Variants in SLC38A10 observed in about 807,000 individuals in gnomAD.
The protein encoded by SLC38A10 is Sodium-coupled neutral amino acid transporter 10.
Under a neutral mutation model 81.0 loss-of-function variants are expected in SLC38A10, and 53 were observed. That is an observed-to-expected ratio of 0.65 (90% CI 0.53 to 0.82). The LOEUF (loss-of-function observed/expected upper bound fraction) is 0.82, where lower values mean the gene tolerates loss of function less well. Among genes scored for constraint, SLC38A10 ranks in the 40% least tolerant of loss-of-function variants. The pLI is 0.00. For synonymous variants in SLC38A10, 665 were observed against 655.3 expected (o/e 1.01, Z -0.23); for missense variants, 1,471 against 1,545.0 (o/e 0.95, Z 0.80).
chr17:81,285,154 A>G, intron 2 of SLC38A10: 1 of 385,466 alleles, frequency 2.6e-6, no homozygotes, highest in Non-Finnish European at 4.7e-6. Flanking sequence ...ATTTTTTAAC[A>G]GACAAAGAGA....
chr17:81,291,486 CAAA>C (rs397856930), intron 1 of SLC38A10, among the ~76,000 whole-genome samples: 14 of 112,006 alleles, frequency 1.2e-4, no homozygotes, highest in Middle Eastern at 6.2e-3. Flanking sequence ...GACTCCATCT[CAAA>C]AAAAAAAAAA....
intron 14 of SLC38A10, 199 bp from the exon 15 acceptor site, chr17:81,247,260 G>T (rs754909821): frequency 2.8e-5 from 14 of 495,284 alleles, no homozygotes; most frequent in Non-Finnish European, 4.0e-5. Context: ...CTGAGGGCCC[G>T]GGAGAGGCTG....
At chr17:81,278,834 G>A (rs377215143) in intron 6 of SLC38A10, among the ~76,000 whole-genome samples, 6 of 152,244 alleles carry the variant, frequency 3.9e-5, no homozygotes, top group African/African-American at 7.2e-5. Context: ...AGGAAGCCAC[G>A]GACACTGTGG....
rs1337881431 is a variant in SLC38A10, at chr17:81,295,136, G to C, written c.-215C>G. 3 of 796,430 alleles carry C rather than the reference G, an allele frequency of 3.8e-6. No homozygotes were observed. The highest frequency in any genetic ancestry group is 5.1e-5 in the East Asian group (1 of 19,436). The allele number at this position is 796,430 out of a possible 1,614,324, so 49.3% of individuals were successfully genotyped here. On this transcript the variant is annotated 5_prime_UTR_variant, in exon 1 of 16. Coordinates refer to ENST00000374759, the MANE Select transcript of SLC38A10 (RefSeq NM_001037984.3). ...GCAGCCTCGAAGGCCGGCTGCGGGG[G>C]CGAGGTCAACCTCCGGACCCCGCCA...
intron 11 of SLC38A10, among the ~76,000 whole-genome samples, chr17:81,254,243 G>A (rs374431304): frequency 1.3e-5 from 2 of 152,224 alleles, no homozygotes; most frequent in African/African-American, 2.4e-5. Flanking sequence ...TCCCATAGGA[G>A]AAGAAAATGG....
In SLC38A10 at chr17:81,245,758, C is replaced by T. The variant is rs574687195; in HGVS notation, c.3158G>A (p.Arg1053Gln). ...CTCTGCATGAGGGCCAAGGTCCCGC[C>T]GTCGCCTCCGGAGGTCGGAGCCAGC... is the stretch of plus-strand genomic sequence containing the variant. ...LQAGSDLRRRRRDLGPHAEGQ... is the reference protein window; with the variant it reads ...LQAGSDLRRRQRDLGPHAEGQ... The change falls in exon 16 of 16, where the codon CGG (arginine) becomes CAG (glutamine). Residue 1053 changes from arginine (R) to glutamine (Q), a missense_variant. This residue lies in a region of SLC38A10 where 751 missense variants were observed against 717.4 expected (regional missense o/e 1.05). Transcript: ENST00000374759. The T allele has an allele frequency of 2.8e-5, 44 of 1,595,818 alleles. No homozygotes were observed. The highest frequency in any genetic ancestry group is 5.4e-5 in the African/African-American group (4 of 74,754).
chr17:81,270,270 CG>C lies in SLC38A10; in HGVS notation c.1131+647del, dbSNP rs1449718209. 1.3e-5 allele frequency among the ~76,000 whole-genome samples: 2 copies of C among 152,172 alleles called. No homozygotes were observed. The highest frequency in any genetic ancestry group is 2.9e-5 in the Non-Finnish European group (2 of 68,028). Reference sequence around the variant, plus strand: ...CCATTTCTAGAAGGCTTCCTACAGACGCGTGCTCAAATACGTCGACATGCTC... The same window carrying C: ...CCATTTCTAGAAGGCTTCCTACAGACCGTGCTCAAATACGTCGACATGCTC... On this transcript the variant is annotated intron_variant, in intron 10 of 15. Transcript: ENST00000374759. This position sits in a 1 kb window ranked among gnomAD's most constrained non-coding sequence, Gnocchi z 4.0.
At chr17:81,271,172 G>A (rs1187794882) in intron 9 of SLC38A10, 148 bp from the exon 10 acceptor site, 2 of 656,094 alleles carry the variant, frequency 3.0e-6, no homozygotes, top group Non-Finnish European at 5.2e-6. Flanking sequence ...CGCCCTCTGT[G>A]CCCAGAAAGC....
chr17:81,272,990 C>T (rs192840721), intron 8 of SLC38A10, among the ~76,000 whole-genome samples: 1 of 152,196 alleles, frequency 6.6e-6, no homozygotes, highest in Non-Finnish European at 1.5e-5. Flanking sequence ...ACAGGCTGCA[C>T]AGCGCCGCTC....
chr17:81,285,535 A>T (rs1299779759), intron 2 of SLC38A10: 1 of 152,216 alleles, frequency 6.6e-6, no homozygotes, highest in African/African-American at 2.4e-5. Flanking sequence ...AGGAGCCGCC[A>T]TTCTCTCCGC....
Position 81,265,370 on chromosome 17 carries a change from CGA to C in SLC38A10, c.1132-4978_1132-4977del, listed in dbSNP as rs990382784. 1 of 152,192 alleles carries C rather than the reference CGA, an allele frequency of 6.6e-6. No individual in the cohort carries two copies. The highest frequency in any genetic ancestry group is 1.5e-5 in the Non-Finnish European group (1 of 68,062). 9.4% of individuals were successfully genotyped at this position (152,192 alleles called of 1,614,324 possible). A position where few individuals can be genotyped will look rare whatever the true frequency, so the allele number is the denominator to read the frequency against. ...CTGCACCCCAGCCTGGGCGACAGAG[CGA>C]GACTCTGTCTCAAAAAATAAAAAAA... On this transcript the variant is annotated intron_variant, in intron 10 of 15. Coordinates refer to ENST00000374759, the MANE Select transcript of SLC38A10 (RefSeq NM_001037984.3). The surrounding 1 kb of genome is among the most constrained non-coding windows in gnomAD (Gnocchi z 4.2).
At chr17:81,249,922 G>A (rs73356102) in intron 14 of SLC38A10, 10,702 of 580,476 alleles carry the variant, frequency 0.018, 243 homozygotes, top group African/African-American at 0.083. Context: ...GGCTGTGGCT[G>A]AGCCTGGGTG....
chr17:81,268,819 A>G (rs1000482261), intron 10 of SLC38A10, among the ~76,000 whole-genome samples: 20 of 152,230 alleles, frequency 1.3e-4, no homozygotes, highest in African/African-American at 4.8e-4. Context: ...ATTAACTGTA[A>G]ATAGTCTTAA....
intron 11 of SLC38A10, among the ~76,000 whole-genome samples, chr17:81,255,184 C>T (rs67309354): frequency 0.047 from 7,202 of 152,318 alleles, 296 homozygotes; most frequent in African/African-American, 0.11. Flanking sequence ...CTGGATTGCA[C>T]GGGCACCTGC....
At chr17:81,257,982 C>T (rs1199253316) in intron 11 of SLC38A10, among the ~76,000 whole-genome samples, 2 of 152,230 alleles carry the variant, frequency 1.3e-5, no homozygotes, top group Admixed American at 1.3e-4. Context: ...AGAGCAGGTA[C>T]GAACGGCCCG....
chr17:81,248,123 A>C (rs2062871562), intron 14 of SLC38A10, among the ~76,000 whole-genome samples: 1 of 151,718 alleles, frequency 6.6e-6, no homozygotes, highest in African/African-American at 2.4e-5. Flanking sequence ...GCGCCCGGCT[A>C]ATGTTTTGTA....
At position 81,245,848 on chromosome 17, in the gene SLC38A10, T is replaced by C; in HGVS notation, c.3068A>G (p.Lys1023Arg). The change falls in exon 16 of 16, where the codon AAA (lysine) becomes AGA (arginine). Residue 1023 changes from lysine to arginine, a missense_variant. Physicochemically the swap from Lys to Arg is conservative, Grantham distance 26. This residue lies in a region of SLC38A10 where 751 missense variants were observed against 717.4 expected (regional missense o/e 1.05). Transcript: ENST00000374759. ...RQRPEPELGLKRAVPGGQRPD... is the reference protein window; with the variant it reads ...RQRPEPELGLRRAVPGGQRPD... ...CCTCTGGCCCCCCGGGACAGCTCGT[T>C]TGAGCCCCAGCTCTGGCTCTGGCCT... 3.1e-6 allele frequency: 5 copies of C among 1,612,150 alleles called. No individual in the cohort carries two copies. Among genetic ancestry groups the C allele is most frequent in the Non-Finnish European group, 4.2e-6 (5 of 1,179,532 alleles).
At chr17:81,250,981 G>A in intron 14 of SLC38A10, 1 of 1,341,794 alleles carries the variant, frequency 7.5e-7, no homozygotes, top group Admixed American at 3.6e-5. Flanking sequence ...GAGCTCCGAG[G>A]CCCGAGGGTG....
chr17:81,274,274 G>C (rs1252729505), intron 8 of SLC38A10, among the ~76,000 whole-genome samples: 1 of 152,226 alleles, frequency 6.6e-6, no homozygotes, highest in African/African-American at 2.4e-5. Context: ...CCCAGTCTTT[G>C]GTGCTTGGCC....
Sources: allele counts gnomAD v4.1 joint callset (sites outside exome capture counted in the v4.1 genomes callset), GRCh38; gene constraint gnomAD v4.1.1; regional missense constraint gnomAD v4.1.1; non-coding constraint Gnocchi (gnomAD v3.1); transcripts MANE v1.5; gene names NCBI Gene and HGNC (gene_info 2026-07-23, HGNC 2026-07-21).